Variants in ANKS1B observed in about 807,000 individuals in gnomAD.
ANKS1B encodes the protein ankyrin repeat and sterile alpha motif domain-containing protein 1B.
ANKS1B carries 36 observed loss-of-function variants against 148.3 expected under a neutral mutation model. That is an observed-to-expected ratio of 0.24 (90% confidence interval 0.19 to 0.32). The LOEUF is 0.32. Ranked by LOEUF, ANKS1B falls within the 10% of genes least tolerant of loss-of-function variation. The probability of loss-of-function intolerance (pLI) is 1.00; values close to 1 mark genes in which losing one functional copy is unlikely to be tolerated. For missense variants in ANKS1B, 1,157 were observed against 1,542.6 expected, an observed-to-expected ratio of 0.75 and a Z score of 4.19; for synonymous variants, 542 against 560.8, an observed-to-expected ratio of 0.97 and a Z score of 0.47.
rs545632540 is a variant in ANKS1B at position 99,666,128 on chromosome 12, G to A, written c.1129-10918C>T. Reference sequence around the variant, plus strand: ...TTTTTTGAAAATCAATTGACCATACGTGTATGGGTTTATTTCTGAATTCTA... The same window carrying A: ...TTTTTTGAAAATCAATTGACCATACATGTATGGGTTTATTTCTGAATTCTA... On this transcript the variant is annotated intron_variant, in intron 8 of 26. Transcript: ENST00000683438. 1.6e-3 allele frequency among the ~76,000 whole-genome samples: 244 copies of A among 152,202 alleles called. 2 individuals are homozygous for A. The highest frequency in any genetic ancestry group is 5.6e-3 in the African/African-American group (233 of 41,522).
intron 1 of ANKS1B, among the ~76,000 whole-genome samples, chr12:99,879,053 T>C (rs1173738863): frequency 6.6e-6 from 1 of 152,200 alleles, no homozygotes; most frequent in African/African-American, 2.4e-5. Flanking sequence ...AATGAGGTAC[T>C]AGAAGGGTGA....
chr12:99,410,667 T>TCAAA (rs528798131), intron 11 of ANKS1B, among the ~76,000 whole-genome samples: 4 of 151,890 alleles, frequency 2.6e-5, no homozygotes, highest in Admixed American at 6.6e-5. Flanking sequence ...AGACTCCATC[T>TCAAA]CAAACAAACA....
At chr12:98,919,600 C>T (rs1323579050) in intron 17 of ANKS1B, among the ~76,000 whole-genome samples, 1 of 152,202 alleles carries the variant, frequency 6.6e-6, no homozygotes, top group African/African-American at 2.4e-5. Context: ...AACCCTAACA[C>T]CCACTTTCCA....
intron 15 of ANKS1B, among the ~76,000 whole-genome samples, chr12:99,119,423 TG>T (rs1374882219): frequency 1.3e-5 from 2 of 152,188 alleles, no homozygotes; most frequent in African/African-American, 4.8e-5. Context: ...AGAAGATAAA[TG>T]TTTTTTTTAG....
At chr12:99,787,849 A>G (rs1215423648) in intron 4 of ANKS1B, among the ~76,000 whole-genome samples, 1 of 152,202 alleles carries the variant, frequency 6.6e-6, no homozygotes, top group African/African-American at 2.4e-5. Context: ...GGAACTTTAC[A>G]TTGAACTCAG....
chr12:99,379,253 T>C (rs957689255), intron 12 of ANKS1B, among the ~76,000 whole-genome samples: 1 of 152,218 alleles, frequency 6.6e-6, no homozygotes, highest in African/African-American at 2.4e-5. Context: ...ACAAATGTGA[T>C]ATAAAGAGAT....
chr12:99,300,336 G>T (rs375340512), intron 12 of ANKS1B, among the ~76,000 whole-genome samples: 5 of 152,060 alleles, frequency 3.3e-5, no homozygotes, highest in Middle Eastern at 3.4e-3. Context: ...GATAATTATA[G>T]ATAATTACAG....
intron 12 of ANKS1B, among the ~76,000 whole-genome samples, chr12:99,286,812 ACTT>A (rs1183435622): frequency 6.6e-6 from 1 of 152,104 alleles, no homozygotes; most frequent in Non-Finnish European, 1.5e-5. Context: ...ACAGCGAGAG[ACTT>A]CTTCTGCATA....
chr12:99,343,217 G>T (rs142525783), intron 12 of ANKS1B, among the ~76,000 whole-genome samples: 1 of 152,134 alleles, frequency 6.6e-6, no homozygotes, highest in Non-Finnish European at 1.5e-5. Context: ...ATTTAGTGAT[G>T]AGCAGGAGCC....
chr12:99,900,689 T>C (rs1312054316), intron 1 of ANKS1B, among the ~76,000 whole-genome samples: 1 of 152,100 alleles, frequency 6.6e-6, no homozygotes, highest in Non-Finnish European at 1.5e-5. Flanking sequence ...GAACTATGAT[T>C]CATAATGGAT....
At chr12:99,318,165 T>A (rs1260392264) in intron 12 of ANKS1B, among the ~76,000 whole-genome samples, 1 of 152,238 alleles carries the variant, frequency 6.6e-6, no homozygotes, top group Non-Finnish European at 1.5e-5. Context: ...GGTATCAGGA[T>A]GATGCTGTCC....
chr12:99,344,696 C>T (rs1177182709), intron 12 of ANKS1B, among the ~76,000 whole-genome samples: 1 of 151,948 alleles, frequency 6.6e-6, no homozygotes, highest in Non-Finnish European at 1.5e-5. Context: ...ATTTTCTATG[C>T]ATAACAGAAT....
At chr12:99,352,331 C>T (rs1303993996) in intron 12 of ANKS1B, among the ~76,000 whole-genome samples, 1 of 151,736 alleles carries the variant, frequency 6.6e-6, no homozygotes, top group Non-Finnish European at 1.5e-5. Context: ...TCTCATAATG[C>T]TAATGAGAAG....
chr12:99,910,524 G>A (rs1463723702), intron 1 of ANKS1B, among the ~76,000 whole-genome samples: 1 of 152,174 alleles, frequency 6.6e-6, no homozygotes, highest in Admixed American at 6.5e-5. Context: ...ACAGAAAGTA[G>A]ATTAGTAATT....
intron 12 of ANKS1B, among the ~76,000 whole-genome samples, chr12:99,261,134 A>G (rs888088577): frequency 1.3e-5 from 2 of 152,066 alleles, no homozygotes; most frequent in Admixed American, 6.6e-5. Context: ...TCTTAAATCT[A>G]CTCCAAATAG....
At chr12:99,096,287 T>A (rs2153661213) in intron 15 of ANKS1B, among the ~76,000 whole-genome samples, 1 of 152,322 alleles carries the variant, frequency 6.6e-6, no homozygotes, top group East Asian at 1.9e-4. Context: ...AAGAGTTGAC[T>A]GATAGAATAT....
chr12:99,216,416 ATTTCT>A lies in ANKS1B; in HGVS notation c.2419+27921_2419+27925del, dbSNP rs1202236374. 2.6e-5 allele frequency among the ~76,000 whole-genome samples: 4 copies of A among 152,260 alleles called. No individual in the cohort carries two copies. In the East Asian group the frequency reaches 7.7e-4, roughly 29 times the overall value. ...GCTATCCTGCAAGCTTTATTAAATCATTTCTTTTATTTGTTAAAACGTTATAAACA... is the reference window on the plus strand; with the variant it reads ...GCTATCCTGCAAGCTTTATTAAATCATTTATTTGTTAAAACGTTATAAACA... On this transcript the variant is annotated intron_variant, in intron 14 of 26. Coordinates refer to ENST00000683438, the MANE Select transcript of ANKS1B (RefSeq NM_001352186.2).
intron 12 of ANKS1B, among the ~76,000 whole-genome samples, chr12:99,267,661 C>A (rs2076585208): frequency 6.6e-6 from 1 of 152,108 alleles, no homozygotes; most frequent in South Asian, 2.1e-4. Context: ...GGTCCATTAT[C>A]TTGAACAGCT....
chr12:99,848,081 T>C (rs1171193956), intron 1 of ANKS1B, among the ~76,000 whole-genome samples: 2 of 152,004 alleles, frequency 1.3e-5, no homozygotes, highest in Non-Finnish European at 2.9e-5. Flanking sequence ...AGTCTGGCCA[T>C]CAATCAGTGC....
Sources: allele counts gnomAD v4.1 joint callset (sites outside exome capture counted in the v4.1 genomes callset), GRCh38; gene constraint gnomAD v4.1.1; transcripts MANE v1.5; gene names NCBI Gene and HGNC (gene_info 2026-07-23, HGNC 2026-07-21).